Variants in SAMD7 observed in about 807,000 individuals in gnomAD.
The protein encoded by SAMD7 is sterile alpha motif domain containing 7, also known as sterile alpha motif domain-containing protein 7.
SAMD7 carries 34 observed loss-of-function variants against 36.7 expected under a neutral mutation model. That is an observed-to-expected ratio of 0.93 (90% CI 0.71 to 1.23). The LOEUF (loss-of-function observed/expected upper bound fraction) is 1.23. SAMD7 is among the 50% of genes most tolerant of loss of function. The pLI is 0.00. For synonymous variants in SAMD7, 188 were observed against 189.7 expected (o/e 0.99, Z 0.07); for missense variants, 570 against 546.6 (o/e 1.04, Z -0.43).
At position 169,925,044 on chromosome 3, in the gene SAMD7, T is replaced by C; in HGVS notation, c.212-14T>C. ...ATTTATTTGTGGGGTGGGATGGTGG[T>C]TTTCTTTTTTAAGGTTGGGGCATTT... On this transcript the variant is annotated splice_polypyrimidine_tract_variant and intron_variant, in intron 4 of 8. Transcript: ENST00000335556. The C allele has an allele frequency of 6.4e-7, 1 of 1,572,136 alleles. No individual in the cohort carries two copies. Among genetic ancestry groups the C allele is most frequent in the Non-Finnish European group, 8.7e-7 (1 of 1,149,388 alleles).
intron 1 of SAMD7, among the ~76,000 whole-genome samples, 177 bp downstream of exon 1, chr3:169,911,998 G>A (rs1444164109): frequency 6.6e-6 from 1 of 152,182 alleles, no homozygotes; most frequent in Non-Finnish European, 1.5e-5. Flanking sequence ...CTACTTGACT[G>A]AAGTTACTAA....
chr3:169,927,399 A>AT (rs1713321767), intron 6 of SAMD7, among the ~76,000 whole-genome samples: 1 of 136,446 alleles, frequency 7.3e-6, no homozygotes, highest in Admixed American at 8.8e-5. Context: ...GGTTCACGCC[A>AT]TTCTCCTGCC....
rs10513680 is a variant in SAMD7 at position 169,926,922 on chromosome 3, G to C, written c.660G>C (p.Glu220Asp). Residue 220 changes from glutamate (E) to aspartate (D), a missense_variant, in exon 6 of 9, where the codon GAG becomes GAC. By Grantham distance (45) the Glu-to-Asp change is conservative. Coordinates refer to ENST00000335556, the MANE Select transcript of SAMD7 (RefSeq NM_001304366.2). The part of the protein sequence containing the change: ...LGQTHAVPYE[E>D]DHYAKDPDIE... Reference sequence around the variant, plus strand: ...AGACTCATGCAGTTCCCTATGAAGAGGATCATTATGCAAAAGACCCAGACA... The same window carrying C: ...AGACTCATGCAGTTCCCTATGAAGACGATCATTATGCAAAAGACCCAGACA... 191,355 of 1,613,532 alleles carry C rather than the reference G, an allele frequency of 0.12. 11,977 individuals are homozygous for C. The highest frequency in any genetic ancestry group is 0.21 in the Middle Eastern group (1,270 of 6,058).
chr3:169,923,430 G>A lies in SAMD7; in HGVS notation c.212-1628G>A, dbSNP rs1379748100. Among the ~76,000 whole-genome samples the A allele has an allele frequency of 2.0e-5, 3 of 152,170 alleles. No individual in the cohort carries two copies. In the South Asian group the frequency reaches 6.2e-4, roughly 32 times the overall value. ...CTGCAGCCCATGATTACCGACAACA[G>A]GCCAATAGACTAGTAAAACAGCTGC... On this transcript the variant is annotated intron_variant, in intron 4 of 8. Coordinates refer to ENST00000335556, the MANE Select transcript of SAMD7 (RefSeq NM_001304366.2).
At chr3:169,915,818 T>C (rs1712773983) in intron 2 of SAMD7, among the ~76,000 whole-genome samples, 1 of 151,996 alleles carries the variant, frequency 6.6e-6, no homozygotes, top group African/African-American at 2.4e-5. Flanking sequence ...CCTCAGATGA[T>C]CCACCCACCT....
intron 2 of SAMD7, among the ~76,000 whole-genome samples, chr3:169,916,665 A>C (rs1712815605): frequency 6.6e-6 from 1 of 152,206 alleles, no homozygotes. Flanking sequence ...AACAAAAAAC[A>C]AAATAGAGCC....
At chr3:169,925,023 A>G in intron 4 of SAMD7, 35 bp from the exon 5 acceptor site, 1 of 1,251,768 alleles carries the variant, frequency 8.0e-7, no homozygotes, top group South Asian at 1.3e-5. Context: ...TTTTTAATTT[A>G]TTTGTGGGGT....
At chr3:169,925,602 C>G (rs989977513) in intron 5 of SAMD7, among the ~76,000 whole-genome samples, 8 of 152,130 alleles carry the variant, frequency 5.3e-5, no homozygotes, top group Non-Finnish European at 1.2e-4. Flanking sequence ...TGGCAGGCAC[C>G]TGTAATCCCA....
At chr3:169,933,841 G>A (rs1312619834) in intron 7 of SAMD7, among the ~76,000 whole-genome samples, 4 of 152,324 alleles carry the variant, frequency 2.6e-5, no homozygotes, top group East Asian at 3.9e-4. Flanking sequence ...ATACGAGCAC[G>A]TTGTGAAAGG....
At chr3:169,920,086 A>G (rs1171918570) in intron 3 of SAMD7, among the ~76,000 whole-genome samples, 2 of 152,248 alleles carry the variant, frequency 1.3e-5, no homozygotes, top group Non-Finnish European at 2.9e-5. Context: ...AGGCGGGAGA[A>G]TCGCTTGAAC....
In SAMD7 at chr3:169,927,004, C is replaced by T; in HGVS notation, c.742C>T (p.Leu248Phe). The change falls in exon 6 of 9, where the codon CTT (leucine) becomes TTT (phenylalanine). Residue 248 changes from leucine to phenylalanine, a missense_variant. Leu to Phe is a conservative substitution (Grantham distance 22). Transcript: ENST00000335556. ...AACGAATGAAAAGCCAACGACAGCT[C>T]TTGCCAACACCTGTGGAGAGCTCGA... is the stretch of plus-strand genomic sequence containing the variant. The part of the protein sequence containing the change: ...SETNEKPTTA[L>F]ANTCGELEPT... 1 of 1,613,942 alleles carries T rather than the reference C, an allele frequency of 6.2e-7. No individual in the cohort carries two copies. Among genetic ancestry groups the T allele is most frequent in the East Asian group, 2.2e-5 (1 of 44,872 alleles).
At chr3:169,916,508 C>T (rs865823741) in intron 2 of SAMD7, among the ~76,000 whole-genome samples, 2 of 151,986 alleles carry the variant, frequency 1.3e-5, no homozygotes, top group East Asian at 1.9e-4. Context: ...ATTAGCCGAG[C>T]GTGGTGGTGA....
At chr3:169,915,855 G>A (rs1357921518) in intron 2 of SAMD7, among the ~76,000 whole-genome samples, 1 of 151,942 alleles carries the variant, frequency 6.6e-6, no homozygotes, top group African/African-American at 2.4e-5. Flanking sequence ...TGGGATTACA[G>A]GCGTGAGCCA....
chr3:169,926,892 A>G lies in SAMD7; in HGVS notation c.630A>G (p.Leu210=). 2 of 1,613,912 alleles carry G rather than the reference A, an allele frequency of 1.2e-6. No homozygotes were observed. The highest frequency in any genetic ancestry group is 1.1e-5 in the South Asian group (1 of 91,066). ...SSKSQAEEKI[L]GQTHAVPYEE... is the part of the protein sequence containing the mutation. Reference sequence around the variant, plus strand: ...AAAGTCAAGCAGAAGAAAAAATCCTAGGTCAGACTCATGCAGTTCCCTATG... The same window carrying G: ...AAAGTCAAGCAGAAGAAAAAATCCTGGGTCAGACTCATGCAGTTCCCTATG... The change falls in exon 6 of 9, where the codon CTA becomes CTG. Residue 210 remains leucine, a synonymous_variant. Transcript: ENST00000335556.
At chr3:169,917,467 T>A (rs74842908) in intron 2 of SAMD7, among the ~76,000 whole-genome samples, 2,601 of 152,144 alleles carry the variant, frequency 0.017, 82 homozygotes, top group African/African-American at 0.06. Context: ...TACATAGGTG[T>A]ATATACTTAC....
chr3:169,926,697 C>T lies in SAMD7; in HGVS notation c.435C>T (p.Leu145=). The change falls in exon 6 of 9, where the codon CTC becomes CTT. Residue 145 remains leucine (L), a synonymous_variant. Coordinates refer to ENST00000335556, the MANE Select transcript of SAMD7 (RefSeq NM_001304366.2). ...CTGCCTACCATGGCAGGAGCATGCT[C>T]CCTGCCGGTGACCTGCATTTTCACA... ...APAAYHGRSM[L]PAGDLHFHRS... is the part of the protein sequence containing the mutation. 6.2e-7 allele frequency: 1 copy of T among 1,613,892 alleles called. No individual in the cohort carries two copies.
At chr3:169,925,270 A>T in intron 5 of SAMD7, 134 bp downstream of exon 5, 1 of 564,794 alleles carries the variant, frequency 1.8e-6, no homozygotes, top group Non-Finnish European at 3.0e-6. Context: ...TACTTACATA[A>T]AGTATTTCAG....
chr3:169,922,272 G>A (rs937128771), intron 4 of SAMD7, among the ~76,000 whole-genome samples: 3 of 152,172 alleles, frequency 2.0e-5, no homozygotes, highest in African/African-American at 7.2e-5. Context: ...ATCACCTATG[G>A]AGAGAGTGCA....
At chr3:169,936,537 A>AG in intron 8 of SAMD7, 88 bp downstream of exon 8, 6 of 757,624 alleles carry the variant, frequency 7.9e-6, no homozygotes, top group Non-Finnish European at 1.3e-5. Context: ...AATATAAATA[A>AG]TACTTATTTA....
Sources: allele counts gnomAD v4.1 joint callset (sites outside exome capture counted in the v4.1 genomes callset), GRCh38; gene constraint gnomAD v4.1.1; transcripts MANE v1.5; gene names NCBI Gene and HGNC (gene_info 2026-07-23, HGNC 2026-07-21).